BRD4: variants seen among roughly 807,000 people sequenced by gnomAD.
BRD4 encodes bromodomain-containing protein 4.
In BRD4, 16 loss-of-function variants were observed where a neutral mutation model predicts 142.1. The ratio of observed to expected loss-of-function variants is 0.11; its 90% CI spans 0.08 to 0.17. The LOEUF is 0.17. Ranked by LOEUF, BRD4 falls within the 10% of genes least tolerant of loss-of-function variation. BRD4 has a pLI of 1.00. For synonymous variants in BRD4, 833 were observed against 707.5 expected, an observed-to-expected ratio of 1.18 and a Z score of -2.82; for missense variants, 1,424 against 1,810.9, an observed-to-expected ratio of 0.79 and a Z score of 3.88.
rs200882606 is a variant in BRD4 at position 15,239,785 on chromosome 19, G to A, written c.3319C>T (p.Leu1107Phe). 8.1e-6 allele frequency: 13 copies of A among 1,613,046 alleles called. No individual in the cohort carries two copies. Among genetic ancestry groups the A allele is most frequent in the Non-Finnish European group, 7.6e-6 (9 of 1,179,870 alleles). Reference sequence around the variant, plus strand: ...ATCTTCTCCTCCTTCACCACCACGAGGGGCTGGGGCTGGACCACGGAGGCA... The same window carrying A: ...ATCTTCTCCTCCTTCACCACCACGAAGGGCTGGGGCTGGACCACGGAGGCA... ...RAASVVQPQP[L>F]VVVKEEKIHS... Residue 1107 changes from leucine to phenylalanine, a missense_variant, in exon 16 of 20, where the codon CTC becomes TTC. Physicochemically the swap from Leu to Phe is conservative, Grantham distance 22. Transcript: ENST00000679869. The surrounding 1 kb of genome is among the most constrained non-coding windows in gnomAD (Gnocchi z 7.4).
chr19:15,309,877 A>C (rs1331564227), intron 1 of BRD4, among the ~76,000 whole-genome samples: 2 of 152,190 alleles, frequency 1.3e-5, no homozygotes, highest in Non-Finnish European at 2.9e-5. Context: ...CAATCAAGTC[A>C]TCCAGGCACA....
Position 15,238,711 on chromosome 19 carries a change from G to C in BRD4, c.4020+32C>G. 1 of 1,480,696 alleles carries C rather than the reference G, an allele frequency of 6.8e-7. No individual in the cohort carries two copies. The highest frequency in any genetic ancestry group is 9.0e-7 in the Non-Finnish European group (1 of 1,114,680). The allele number at this position is 1,480,696 out of a possible 1,614,324, so 91.7% of individuals were successfully genotyped here. On this transcript the variant is annotated intron_variant, in intron 19 of 19. Transcript: ENST00000679869. This position sits in a 1 kb window ranked among gnomAD's most constrained non-coding sequence, Gnocchi z 7.2. The stretch of plus-strand genomic sequence containing the variant: ...CAGCTCCCTCAGGAGCTAATCCTTA[G>C]ACCAGGGTCCCCACCAGGCCTCCAG...
intron 7 of BRD4, among the ~76,000 whole-genome samples, chr19:15,262,968 C>T (rs1417523054): frequency 6.6e-6 from 1 of 152,176 alleles, no homozygotes; most frequent in Non-Finnish European, 1.5e-5. Context: ...CCCAGGACCC[C>T]CAATCAGAAT....
At position 15,253,236 on chromosome 19, in the gene BRD4, C is replaced by CA; in HGVS notation, c.2158+915dup. ...AACACAGGATGTTAGCTCCATCTCT[C>CA]AGCAGGGGCTGGTCGCCAGGCCTTC... On this transcript the variant is annotated intron_variant, in intron 11 of 19. Transcript: ENST00000679869. The CA allele has an allele frequency of 6.8e-6, 3 of 444,032 alleles. No individual in the cohort carries two copies. The South Asian group carries it at 9.8e-5, about 14-fold the overall frequency. 27.5% of individuals were successfully genotyped at this position (444,032 alleles called of 1,614,324 possible). A position where few individuals can be genotyped will look rare whatever the true frequency, so the allele number is the denominator to read the frequency against.
Position 15,236,414 on chromosome 19 carries a change from G to A in BRD4, c.*1963C>T, listed in dbSNP as rs918184786. 2 of 151,880 alleles carry A rather than the reference G, an allele frequency of 1.3e-5. No individual in the cohort carries two copies. Among genetic ancestry groups the A allele is most frequent in the African/African-American group, 4.8e-5 (2 of 41,280 alleles). 9.4% of individuals were successfully genotyped at this position (151,880 alleles called of 1,614,324 possible). On this transcript the variant is annotated 3_prime_UTR_variant, in exon 20 of 20. Transcript: ENST00000679869. ...GGGGGATGTAGACTTATATCTAAGA[G>A]TATCTGGTTAACCCTGAGCTTAAAT...
intron 4 of BRD4, among the ~76,000 whole-genome samples, chr19:15,266,822 G>A (rs577743045): frequency 6.6e-6 from 1 of 152,326 alleles, no homozygotes; most frequent in African/African-American, 2.4e-5. Context: ...ACAAGATGTA[G>A]CCAGTAGCTG....
chr19:15,238,961 C>A lies in BRD4; in HGVS notation c.3802G>T (p.Ala1268Ser), dbSNP rs2047216044. The A allele has an allele frequency of 6.3e-7, 1 of 1,590,976 alleles. No homozygotes were observed. The highest frequency in any genetic ancestry group is 8.5e-7 in the Non-Finnish European group (1 of 1,170,144). ...TGGGCCCGCCGGGCCTGCTCCAGCG[C>A]ATCCTCGTCCTCTCGGCTCCTGGGC... The part of the protein sequence containing the change: ...ERMRSREDED[A>S]LEQARRAHEE... The change falls in exon 19 of 20, where the codon GCG (alanine) becomes TCG (serine). Residue 1268 changes from alanine (A) to serine (S), a missense_variant. By Grantham distance (99) the Ala-to-Ser change is moderately conservative. Transcript: ENST00000679869. The surrounding 1 kb of genome is among the most constrained non-coding windows in gnomAD (Gnocchi z 7.2).
intron 1 of BRD4, among the ~76,000 whole-genome samples, chr19:15,313,069 A>C (rs899962096): frequency 6.8e-6 from 1 of 147,954 alleles, no homozygotes; most frequent in East Asian, 2.0e-4. Flanking sequence ...CCCTGTCTTC[A>C]AAAAAAAAAG....
chr19:15,247,542 T>C (rs1476047751), intron 11 of BRD4: 3 of 233,010 alleles, frequency 1.3e-5, no homozygotes, highest in Non-Finnish European at 2.5e-5. Context: ...CTTGTGGCTA[T>C]GGCCCATGTG....
At chr19:15,331,064 A>G (rs1429874882) in intron 1 of BRD4, among the ~76,000 whole-genome samples, 2 of 152,188 alleles carry the variant, frequency 1.3e-5, no homozygotes, top group Non-Finnish European at 2.9e-5. Context: ...CCAAGGGGTC[A>G]CTAGCATCCA....
chr19:15,245,632 A>G (rs2047279387), intron 11 of BRD4, among the ~76,000 whole-genome samples: 2 of 152,154 alleles, frequency 1.3e-5, no homozygotes, highest in Non-Finnish European at 2.9e-5. Context: ...GATTTACACT[A>G]AGGGACTTTT....
At chr19:15,294,199 G>A (rs1419332795) in intron 1 of BRD4, among the ~76,000 whole-genome samples, 1 of 152,256 alleles carries the variant, frequency 6.6e-6, no homozygotes, top group East Asian at 1.9e-4. Context: ...ACATTTCTGT[G>A]TTGAGCAAAA....
chr19:15,322,264 T>C (rs989831646), intron 1 of BRD4, among the ~76,000 whole-genome samples: 1 of 151,988 alleles, frequency 6.6e-6, no homozygotes, highest in African/African-American at 2.4e-5. Flanking sequence ...CCCATGGTTT[T>C]GTTTTGTTTT....
chr19:15,325,746 CCCA>C (rs2048101831), intron 1 of BRD4, among the ~76,000 whole-genome samples: 1 of 152,012 alleles, frequency 6.6e-6, no homozygotes, highest in Non-Finnish European at 1.5e-5. Context: ...CACCTATAAT[CCCA>C]CCACTTTGGG....
chr19:15,285,817 G>A (rs984836966), intron 1 of BRD4, among the ~76,000 whole-genome samples: 1 of 152,086 alleles, frequency 6.6e-6, no homozygotes, highest in African/African-American at 2.4e-5. Flanking sequence ...ATACTTTAAG[G>A]AGGACTTAAA....
rs917000246 is a variant in BRD4, at chr19:15,325,216, G to C, written c.-35+7074C>G. On this transcript the variant is annotated intron_variant, in intron 1 of 19. Transcript: ENST00000679869. ...AGATGGGCCAATGAAGCTCTGGGAA[G>C]GCTGAGTGACAGAATGAATGTTACA... is the stretch of plus-strand genomic sequence containing the variant. 2.6e-5 allele frequency among the ~76,000 whole-genome samples: 4 copies of C among 152,336 alleles called. 1 individual carries two copies.
intron 7 of BRD4, 93 bp downstream of exon 7, chr19:15,263,327 G>GA (rs200826743): frequency 2.3e-3 from 3,270 of 1,414,444 alleles, no homozygotes; most frequent in South Asian, 3.5e-3. Flanking sequence ...GAAAGTGACA[G>GA]AAAAAAAAAC....
At chr19:15,260,655 G>T (rs2047459253) in intron 7 of BRD4, among the ~76,000 whole-genome samples, 1 of 152,134 alleles carries the variant, frequency 6.6e-6, no homozygotes, top group Non-Finnish European at 1.5e-5. Context: ...ATTGAGGCCT[G>T]TGTCCACTCC....
At chr19:15,280,135 T>C (rs2047691397) in intron 1 of BRD4, 4 of 540,706 alleles carry the variant, frequency 7.4e-6, no homozygotes, top group Non-Finnish European at 9.5e-6. Context: ...AAAAGCAGGC[T>C]GCGACTTTAT....
Sources: allele counts gnomAD v4.1 joint callset (sites outside exome capture counted in the v4.1 genomes callset), GRCh38; gene constraint gnomAD v4.1.1; non-coding constraint Gnocchi (gnomAD v3.1); transcripts MANE v1.5; gene names NCBI Gene and HGNC (gene_info 2026-07-23, HGNC 2026-07-21).